Variants in CLCN5 observed in about 807,000 individuals in gnomAD.
CLCN5 encodes Cl-/H+ antiporter 5, also known as H(+)/Cl(-) exchange transporter 5.
Under a neutral mutation model 54.0 loss-of-function variants are expected in CLCN5, and 17 were observed. The ratio of observed to expected loss-of-function variants is 0.31; its 90% CI spans 0.22 to 0.47. The LOEUF is 0.47. Among genes scored for constraint, CLCN5 ranks in the 20% least tolerant of loss-of-function variants. The probability of loss-of-function intolerance (pLI) is 1.00; values close to 1 mark genes in which losing one functional copy is unlikely to be tolerated. For synonymous variants in CLCN5, 222 were observed against 233.0 expected (o/e 0.95, Z 0.43); for missense variants, 448 against 646.7 (o/e 0.69, Z 3.33).
At chrX:50,000,339 G>T (rs1929738140) in intron 3 of CLCN5, among the ~76,000 whole-genome samples, 2 of 109,281 alleles carry the variant, frequency 1.8e-5, no homozygotes, top group African/African-American at 6.7e-5. Flanking sequence ...CTCCCAATTG[G>T]GAGGTTATTA....
At chrX:50,092,071 G>A (rs1934121148) in intron 14 of CLCN5, 58 bp from the exon 15 acceptor site, 1 of 866,723 alleles carries the variant, frequency 1.2e-6, no homozygotes, top group African/African-American at 2.0e-5. Context: ...TCACCTTTGG[G>A]AATGCTATTT....
At position 49,997,039 on chromosome X, in the gene CLCN5, T is replaced by A. The variant is rs1301725526; in HGVS notation, c.17-45277T>A. On this transcript the variant is annotated intron_variant, in intron 3 of 14. Transcript: ENST00000376091. ...TCTTATCTATAGCAGTGCCTCCCCC[T>A]CTCTAAATTCTTGCATTTTGCATCA... Among the ~76,000 whole-genome samples the A allele has an allele frequency of 2.8e-4, 31 of 111,931 alleles. No homozygotes were observed. The Admixed American group carries it at 2.9e-3, about 11-fold the overall frequency.
chrX:49,937,480 C>G (rs1557169966), intron 3 of CLCN5, among the ~76,000 whole-genome samples: 1 of 111,823 alleles, frequency 8.9e-6, no homozygotes, highest in Non-Finnish European at 1.9e-5. Flanking sequence ...GGTGAGAGAT[C>G]AGGTCTGAAG....
At chrX:50,025,323 C>G (rs1056952758) in intron 3 of CLCN5, among the ~76,000 whole-genome samples, 10 of 78,743 alleles carry the variant, frequency 1.3e-4, no homozygotes, top group African/African-American at 4.9e-4. Flanking sequence ...GGCAATGCCT[C>G]GCCCTGCTTC....
At chrX:49,926,701 G>A (rs1232235819) in intron 3 of CLCN5, among the ~76,000 whole-genome samples, 3 of 112,022 alleles carry the variant, frequency 2.7e-5, no homozygotes, top group Non-Finnish European at 5.6e-5. Context: ...AAAGAGCCTT[G>A]TATGTTCTAG....
At chrX:49,944,465 T>G (rs1267681061) in intron 3 of CLCN5, among the ~76,000 whole-genome samples, 8 of 111,255 alleles carry the variant, frequency 7.2e-5, no homozygotes, top group South Asian at 3.8e-4. Flanking sequence ...GTGAGAGAGG[T>G]CATCCCTGTC....
intron 4 of CLCN5, among the ~76,000 whole-genome samples, chrX:50,046,206 G>C (rs1356389281): frequency 8.9e-6 from 1 of 112,532 alleles, no homozygotes; most frequent in Non-Finnish European, 1.9e-5. Context: ...TGTTCTCATA[G>C]TCCATCTGTT....
chrX:50,014,879 T>TG (rs1930708213), intron 3 of CLCN5, among the ~76,000 whole-genome samples: 1 of 111,156 alleles, frequency 9.0e-6, no homozygotes, highest in African/African-American at 3.3e-5. Context: ...GTATCCAGAG[T>TG]GAGACAGTGA....
At chrX:50,032,903 T>C (rs1394673277) in intron 3 of CLCN5, among the ~76,000 whole-genome samples, 1 of 111,170 alleles carries the variant, frequency 9.0e-6, no homozygotes, top group Admixed American at 9.6e-5. Context: ...TTGTATAAGG[T>C]GTAAGGAAGA....
At chrX:49,992,376 C>A (rs147304744) in intron 3 of CLCN5, among the ~76,000 whole-genome samples, 1 of 109,860 alleles carries the variant, frequency 9.1e-6, no homozygotes, top group African/African-American at 3.3e-5. Context: ...CATAAAGTAC[C>A]CATGGCTAGA....
At chrX:50,051,289 A>C (rs193154946) in intron 4 of CLCN5, among the ~76,000 whole-genome samples, 207 of 112,211 alleles carry the variant, frequency 1.8e-3, no homozygotes, top group Non-Finnish European at 3.5e-3. Flanking sequence ...TCCTTTCTCC[A>C]CTGATTTGCC....
At chrX:50,006,858 G>GTAC (rs1930172960) in intron 3 of CLCN5, among the ~76,000 whole-genome samples, 1 of 111,780 alleles carries the variant, frequency 8.9e-6, no homozygotes, top group Non-Finnish European at 1.9e-5. Flanking sequence ...TCCCCTGAGT[G>GTAC]TACTGCCTAG....
chrX:50,080,484 G>GTT (rs376669143), intron 7 of CLCN5, 110 bp from the exon 8 acceptor site: 1,216 of 504,587 alleles, frequency 2.4e-3, no homozygotes, highest in Middle Eastern at 3.4e-3. Flanking sequence ...AATCTCGGTG[G>GTT]TTTTTTTTTT....
intron 3 of CLCN5, among the ~76,000 whole-genome samples, chrX:49,995,432 G>A (rs373662393): frequency 5.4e-5 from 6 of 111,623 alleles, no homozygotes; most frequent in East Asian, 5.6e-4. Context: ...TGAGGCTTCC[G>A]AGCAAGGGTA....
chrX:50,026,258 A>G (rs1557184993), intron 3 of CLCN5, among the ~76,000 whole-genome samples: 1 of 112,103 alleles, frequency 8.9e-6, no homozygotes. Flanking sequence ...CTGTTCTTTT[A>G]AATTTGTTAA....
chrX:49,970,138 T>C (rs1928130511), intron 3 of CLCN5, among the ~76,000 whole-genome samples: 1 of 111,631 alleles, frequency 9.0e-6, no homozygotes, highest in Non-Finnish European at 1.9e-5. Context: ...ATTTATATCA[T>C]TATATTTAAA....
At chrX:49,974,604 A>G (rs1928391645) in intron 3 of CLCN5, among the ~76,000 whole-genome samples, 1 of 111,841 alleles carries the variant, frequency 8.9e-6, no homozygotes, top group Non-Finnish European at 1.9e-5. Flanking sequence ...ATTCAAAGTC[A>G]CCCAGCCCTT....
At chrX:50,059,176 A>C (rs1932812190) in intron 4 of CLCN5, among the ~76,000 whole-genome samples, 1 of 112,554 alleles carries the variant, frequency 8.9e-6, no homozygotes, top group Non-Finnish European at 1.9e-5. Context: ...TATCTTGATG[A>C]AAGTGTGTGA....
At chrX:50,069,745 G>T in intron 4 of CLCN5, 134 bp from the exon 5 acceptor site, 3 of 1,066,023 alleles carry the variant, frequency 2.8e-6, no homozygotes, top group Non-Finnish European at 3.6e-6. Flanking sequence ...TTCCTACCAG[G>T]TGACTGTATT....
Sources: allele counts gnomAD v4.1 joint callset (sites outside exome capture counted in the v4.1 genomes callset), GRCh38; gene constraint gnomAD v4.1.1; transcripts MANE v1.5; gene names NCBI Gene and HGNC (gene_info 2026-07-23, HGNC 2026-07-21).